Variants in EZR observed in about 807,000 individuals in gnomAD.
The protein encoded by EZR is ezrin.
In EZR, 40 loss-of-function variants were observed where a neutral mutation model predicts 74.8. The ratio of observed to expected loss-of-function variants is 0.53; its 90% CI spans 0.42 to 0.70. The LOEUF is 0.70. Ranked by LOEUF, EZR falls within the 30% of genes least tolerant of loss-of-function variation. EZR has a pLI of 0.00. For synonymous variants in EZR, 341 were observed against 283.3 expected, an observed-to-expected ratio of 1.20 and a Z score of -2.05; for missense variants, 678 against 755.8, an observed-to-expected ratio of 0.90 and a Z score of 1.21.
intron 7 of EZR, among the ~76,000 whole-genome samples, chr6:158,778,799 G>C (rs138301426): frequency 6.6e-6 from 1 of 152,304 alleles, no homozygotes; most frequent in Non-Finnish European, 1.5e-5. Context: ...ACCTGAGCAA[G>C]AAGATACATA....
chr6:158,806,549 A>G (rs1219403605), intron 2 of EZR, among the ~76,000 whole-genome samples: 1 of 148,712 alleles, frequency 6.7e-6, no homozygotes, highest in Non-Finnish European at 1.5e-5. Flanking sequence ...ACTTCAGTAT[A>G]TTGCTCTAAA....
chr6:158,778,011 G>C (rs1396281087), intron 7 of EZR, among the ~76,000 whole-genome samples: 1 of 152,104 alleles, frequency 6.6e-6, no homozygotes, highest in Non-Finnish European at 1.5e-5. Context: ...GCATTAAAGG[G>C]GAACTCCAGA....
At chr6:158,806,870 CTTAA>C (rs1281523184) in intron 2 of EZR, among the ~76,000 whole-genome samples, 3 of 152,150 alleles carry the variant, frequency 2.0e-5, no homozygotes, top group Non-Finnish European at 4.4e-5. Flanking sequence ...AGCCAACACC[CTTAA>C]TTATTTAACT....
At chr6:158,781,654 C>T (rs1436402992) in intron 7 of EZR, among the ~76,000 whole-genome samples, 3 of 152,188 alleles carry the variant, frequency 2.0e-5, no homozygotes, top group African/African-American at 7.2e-5. Flanking sequence ...TACGTTCCCA[C>T]GAGGACTTTG....
intron 2 of EZR, among the ~76,000 whole-genome samples, chr6:158,797,904 C>A (rs932419122): frequency 6.6e-6 from 1 of 152,158 alleles, no homozygotes; most frequent in South Asian, 2.1e-4. Flanking sequence ...CAGAGTTATG[C>A]AACTGACACT....
At chr6:158,775,667 A>AT (rs1329345967) in intron 8 of EZR, among the ~76,000 whole-genome samples, 2 of 152,310 alleles carry the variant, frequency 1.3e-5, no homozygotes, top group South Asian at 2.1e-4. Flanking sequence ...TCAGGTGGCA[A>AT]TTTTTTAGAG....
chr6:158,818,887 G>A (rs1777628286), intron 1 of EZR, among the ~76,000 whole-genome samples: 1 of 152,116 alleles, frequency 6.6e-6, no homozygotes, highest in African/African-American at 2.4e-5. Flanking sequence ...CGTGGAGAGG[G>A]GGCGCGGGCT....
chr6:158,772,299 A>G (rs1221530051), intron 8 of EZR, among the ~76,000 whole-genome samples: 1 of 152,256 alleles, frequency 6.6e-6, no homozygotes, highest in African/African-American at 2.4e-5. Flanking sequence ...ACAGACAGCC[A>G]CGTGCGAGCT....
chr6:158,776,868 CA>C (rs1791293912), intron 7 of EZR, among the ~76,000 whole-genome samples: 1 of 152,168 alleles, frequency 6.6e-6, no homozygotes, highest in Admixed American at 6.5e-5. Context: ...TCACCACACT[CA>C]CCTACCTCTC....
At chr6:158,808,166 T>C (rs1167562774) in intron 2 of EZR, among the ~76,000 whole-genome samples, 1 of 152,210 alleles carries the variant, frequency 6.6e-6, no homozygotes, top group African/African-American at 2.4e-5. Context: ...TAAGGAATCC[T>C]AGTGGCCAAC....
At chr6:158,803,644 TATATATATACATATATATATATAAA>T (rs1777265377) in intron 2 of EZR, among the ~76,000 whole-genome samples, 1 of 57,402 alleles carries the variant, frequency 1.7e-5, no homozygotes, top group African/African-American at 5.3e-5. Context: ...TACATATATA[TATATATATACATATATATATATAAA>T]ATATACAGAG....
At chr6:158,800,502 A>G (rs781098966) in intron 2 of EZR, among the ~76,000 whole-genome samples, 14 of 152,220 alleles carry the variant, frequency 9.2e-5, no homozygotes, top group Non-Finnish European at 2.1e-4. Flanking sequence ...AAATAACAGT[A>G]TAAATACATG....
In EZR at chr6:158,768,422, G is replaced by A. The variant is rs116113900; in HGVS notation, c.1344+904C>T. On this transcript the variant is annotated intron_variant, in intron 12 of 13. Transcript: ENST00000367075. The stretch of plus-strand genomic sequence containing the variant: ...GAACAGCCTAATACAGATCGGCAGC[G>A]GGAATGGGGGCTGGAACAGAGGCAA... Among the ~76,000 whole-genome samples the A allele has an allele frequency of 3.1e-3, 477 of 152,248 alleles. 5 individuals carry two copies. The highest frequency in any genetic ancestry group is 0.01 in the African/African-American group (429 of 41,530).
intron 2 of EZR, among the ~76,000 whole-genome samples, chr6:158,796,097 G>A (rs1315142290): frequency 2.0e-5 from 3 of 152,134 alleles, no homozygotes; most frequent in Non-Finnish European, 2.9e-5. Context: ...CATGCCAATG[G>A]AACCAGAGGT....
At chr6:158,807,642 AAG>A (rs1165817465) in intron 2 of EZR, among the ~76,000 whole-genome samples, 1 of 152,184 alleles carries the variant, frequency 6.6e-6, no homozygotes, top group Non-Finnish European at 1.5e-5. Context: ...TAACGCTTCA[AAG>A]AGTCAGTAAA....
At chr6:158,770,636 G>A (rs190552767) in intron 10 of EZR, 128 bp downstream of exon 10, 47 of 1,014,290 alleles carry the variant, frequency 4.6e-5, no homozygotes, top group South Asian at 6.1e-5. Context: ...TTATCATTTC[G>A]GCTGTGAGTC....
chr6:158,809,914 C>A (rs144233571), intron 2 of EZR, among the ~76,000 whole-genome samples: 1 of 152,154 alleles, frequency 6.6e-6, no homozygotes, highest in African/African-American at 2.4e-5. Flanking sequence ...CAGCCAGACT[C>A]GGCCCTAAGA....
intron 10 of EZR, among the ~76,000 whole-genome samples, chr6:158,770,278 A>G (rs1005890030): frequency 1.3e-5 from 2 of 152,090 alleles, no homozygotes; most frequent in African/African-American, 4.8e-5. Flanking sequence ...CACCCTTCCC[A>G]TGTGTGCTGT....
intron 7 of EZR, among the ~76,000 whole-genome samples, chr6:158,783,046 T>TC (rs1316136870): frequency 6.6e-6 from 1 of 152,148 alleles, no homozygotes; most frequent in East Asian, 1.9e-4. Context: ...TCCTGCAGAC[T>TC]CCCAGCATTT....
Sources: gnomAD v4.1 joint callset for allele counts (sites outside exome capture counted in the v4.1 genomes callset) on GRCh38, gnomAD v4.1.1 for gene constraint, MANE v1.5 for transcripts, NCBI Gene and HGNC (gene_info 2026-07-23, HGNC 2026-07-21) for gene names.